Variants in DYNC2H1 observed in about 807,000 individuals in gnomAD.
DYNC2H1 encodes cytoplasmic dynein 2 heavy chain 1.
A neutral mutation model predicts 570.0 loss-of-function variants in DYNC2H1; 410 were observed. The ratio of observed to expected loss-of-function variants is 0.72; its 90% CI spans 0.66 to 0.78. DYNC2H1 has a LOEUF of 0.78. Among genes scored for constraint, DYNC2H1 ranks in the 30% least tolerant of loss-of-function variants. The pLI is 0.00. For missense variants in DYNC2H1, 4,865 were observed against 5,046.4 expected (o/e 0.96, Z 1.09); for synonymous variants, 1,688 against 1,677.6 (o/e 1.01, Z -0.15).
At chr11:103,429,645 C>T (rs1249076356) in intron 84 of DYNC2H1, among the ~76,000 whole-genome samples, 2 of 152,252 alleles carry the variant, frequency 1.3e-5, no homozygotes, top group East Asian at 3.9e-4. Context: ...CGCTCTGAAA[C>T]TTGTCTTTAT....
intron 81 of DYNC2H1, among the ~76,000 whole-genome samples, chr11:103,322,340 A>G (rs1938253148): frequency 6.6e-6 from 1 of 152,168 alleles, no homozygotes; most frequent in African/African-American, 2.4e-5. Context: ...AATACAATTC[A>G]TACAGAAATG....
chr11:103,137,295 G>A (rs11225561), intron 17 of DYNC2H1, among the ~76,000 whole-genome samples: 2 of 139,594 alleles, frequency 1.4e-5, no homozygotes, highest in African/African-American at 5.3e-5. Flanking sequence ...ACATGAAGTC[G>A]TTGCCCATGC....
rs886047566 is a variant in DYNC2H1, at chr11:103,198,006, A to G, written c.7782A>G (p.Pro2594=). The G allele has an allele frequency of 8.3e-6, 13 of 1,558,372 alleles. No homozygotes were observed. Among genetic ancestry groups the G allele is most frequent in the Middle Eastern group, 3.3e-4 (2 of 6,004 alleles). Residue 2594 remains proline, a synonymous_variant, in exon 48 of 89, where the codon CCA becomes CCG. Transcript: ENST00000375735. ...CAGCCCCAGGACAACCATTACCTCC[A>G]CATGGAAAACCACTTGGAAAACTAA... ...ARAAPGQPLP[P]HGKPLGKLNS...
rs151010749 is a variant in DYNC2H1 at position 103,452,698 on chromosome 11, A to G, written c.12457-2488A>G. ...TTCAAAATTCTGTATATTTTGGTCC[A>G]TAAAGGAGTGGAACTCTTATGACAT... On this transcript the variant is annotated intron_variant, in intron 85 of 88. Transcript: ENST00000375735. 2.7e-3 allele frequency among the ~76,000 whole-genome samples: 416 copies of G among 152,098 alleles called. 4 individuals are homozygous for G. Among genetic ancestry groups the G allele is most frequent in the African/African-American group, 9.5e-3 (393 of 41,558 alleles).
Position 103,116,633 on chromosome 11 carries a change from G to T in DYNC2H1, c.685G>T (p.Asp229Tyr), listed in dbSNP as rs1000302251. The T allele has an allele frequency of 1.2e-6, 2 of 1,609,486 alleles. No individual in the cohort carries two copies. The highest frequency in any genetic ancestry group is 2.7e-5 in the African/African-American group (2 of 74,730). ...EVVDLVETTQ[D>Y]VVDDVWRQTE... ...TGTTGACTTGGTGGAGACTACTCAG[G>T]ATGTTGTAGATGATGTGTGGAGACA... Residue 229 changes from aspartate (D) to tyrosine (Y), a missense_variant, in exon 5 of 89, where the codon GAT becomes TAT. Physicochemically the swap from Asp to Tyr is radical, Grantham distance 160. Around this residue, in one of 5 missense-constraint regions of DYNC2H1, gnomAD observed 1,936 missense variants for 1,962.1 expected, o/e 0.99. Transcript: ENST00000375735.
intron 4 of DYNC2H1, among the ~76,000 whole-genome samples, chr11:103,115,678 C>T (rs533033735): frequency 1.8e-3 from 273 of 151,828 alleles, no homozygotes; most frequent in South Asian, 4.2e-3. Context: ...AGCGCCTACT[C>T]GGGAGGCTGA....
intron 24 of DYNC2H1, 26 bp from the exon 25 acceptor site, chr11:103,155,305 C>T (rs773423797): frequency 6.7e-7 from 1 of 1,490,192 alleles, no homozygotes; most frequent in East Asian, 2.4e-5. Context: ...ATACATATGA[C>T]TTTTTCTTTT....
At chr11:103,328,447 A>T (rs72975685) in intron 82 of DYNC2H1, among the ~76,000 whole-genome samples, 7,996 of 152,312 alleles carry the variant, frequency 0.052, 263 homozygotes, top group Non-Finnish European at 0.077. Context: ...AAATATTCAG[A>T]TACTACAAAG....
intron 75 of DYNC2H1, among the ~76,000 whole-genome samples, chr11:103,296,463 G>A (rs7944311): frequency 0.16 from 25,044 of 152,132 alleles, 2,248 homozygotes; most frequent in Admixed American, 0.25. Flanking sequence ...AGAATATGGA[G>A]AACAGTTGTC....
chr11:103,189,942 A>T lies in DYNC2H1; in HGVS notation c.7437+126A>T. ...CCTGTTTATTAGACTTTTCTAGTAG[A>T]GAGTAACTGTGAAGACAGGTGCTGT... On this transcript the variant is annotated intron_variant, in intron 45 of 88. Transcript: ENST00000375735. This position sits in a 1 kb window ranked among gnomAD's most constrained non-coding sequence, Gnocchi z 4.3. 1 of 969,198 alleles carries T rather than the reference A, an allele frequency of 1.0e-6. No individual in the cohort carries two copies. Among genetic ancestry groups the T allele is most frequent in the East Asian group, 2.5e-5 (1 of 40,072 alleles). 60.0% of individuals were successfully genotyped at this position (969,198 alleles called of 1,614,324 possible). A position where few individuals can be genotyped will look rare whatever the true frequency, so the allele number is the denominator to read the frequency against.
intron 65 of DYNC2H1, among the ~76,000 whole-genome samples, chr11:103,248,666 C>T (rs967793469): frequency 6.6e-6 from 1 of 151,948 alleles, no homozygotes; most frequent in Non-Finnish European, 1.5e-5. Context: ...AGCACCCCTG[C>T]CTGGTGTAAA....
In DYNC2H1 at chr11:103,479,510, C is replaced by T. The variant is rs1945677092; in HGVS notation, c.*257C>T. 2.1e-5 allele frequency: 6 copies of T among 291,600 alleles called. No homozygotes were observed. Among genetic ancestry groups the T allele is most frequent in the Non-Finnish European group, 3.6e-5 (6 of 166,452 alleles). The allele number at this position is 291,600 out of a possible 1,614,324, so 18.1% of individuals were successfully genotyped here. On this transcript the variant is annotated 3_prime_UTR_variant, in exon 89 of 89. Transcript: ENST00000375735. ...ATTTCTGTGAGAAAGTTCACTTTTC[C>T]AGTGGCTCAAAAATTTGTTTTAGGT... is the stretch of plus-strand genomic sequence containing the variant.
chr11:103,395,133 G>A lies in DYNC2H1; in HGVS notation c.12157-4530G>A, dbSNP rs1942345645. ...GACCTTTCTGATCGTAGATGCTTGGGAAAGTTGTCTGTTGAACTTGCATTA... is the reference window on the plus strand; with the variant it reads ...GACCTTTCTGATCGTAGATGCTTGGAAAAGTTGTCTGTTGAACTTGCATTA... On this transcript the variant is annotated intron_variant, in intron 83 of 88. Coordinates refer to ENST00000375735, the MANE Select transcript of DYNC2H1 (RefSeq NM_001377.3). The surrounding 1 kb of genome is among the most constrained non-coding windows in gnomAD (Gnocchi z 4.3). 6.6e-6 allele frequency among the ~76,000 whole-genome samples: 1 copy of A among 152,118 alleles called. No homozygotes were observed. Among genetic ancestry groups the A allele is most frequent in the African/African-American group, 2.4e-5 (1 of 41,430 alleles).
chr11:103,466,088 G>A (rs1030018014), intron 87 of DYNC2H1, among the ~76,000 whole-genome samples: 4 of 150,188 alleles, frequency 2.7e-5, no homozygotes, highest in Non-Finnish European at 5.9e-5. Flanking sequence ...TTTAGGGAAC[G>A]ACAGACTAAT....
intron 59 of DYNC2H1, among the ~76,000 whole-genome samples, chr11:103,229,281 T>C (rs370726581): frequency 3.6e-4 from 55 of 152,304 alleles, no homozygotes; most frequent in African/African-American, 1.3e-3. Context: ...GTTCCTGCAG[T>C]AGTTCTTGCA....
At chr11:103,162,286 T>C (rs1199678379) in intron 29 of DYNC2H1, among the ~76,000 whole-genome samples, 1 of 151,838 alleles carries the variant, frequency 6.6e-6, no homozygotes, top group African/African-American at 2.4e-5. Flanking sequence ...CTCTACAGAT[T>C]GAAAAAAAAA....
At chr11:103,393,276 A>G (rs1186239571) in intron 83 of DYNC2H1, among the ~76,000 whole-genome samples, 1 of 152,202 alleles carries the variant, frequency 6.6e-6, no homozygotes, top group Non-Finnish European at 1.5e-5. Context: ...TCTTCCTCTT[A>G]AATATCATGG....
chr11:103,447,470 T>C (rs182654447), intron 85 of DYNC2H1, among the ~76,000 whole-genome samples: 1 of 152,154 alleles, frequency 6.6e-6, no homozygotes, highest in South Asian at 2.1e-4. Context: ...CGCTACACAA[T>C]GTGGGAAACC....
rs1296605728 is a variant in DYNC2H1, at chr11:103,239,547, G to A, written c.9819+3008G>A. On this transcript the variant is annotated intron_variant, in intron 63 of 88. Transcript: ENST00000375735. The surrounding 1 kb of genome is among the most constrained non-coding windows in gnomAD (Gnocchi z 4.3). ...GATAAGGACATTGAGGCACAGAAGA[G>A]TTAATTCACTTGTCTAAGGTCACAT... is the stretch of plus-strand genomic sequence containing the variant. Among the ~76,000 whole-genome samples, 2 of 152,032 alleles carry A rather than the reference G, an allele frequency of 1.3e-5. No individual in the cohort carries two copies. The highest frequency in any genetic ancestry group is 4.8e-5 in the African/African-American group (2 of 41,400).
Sources: allele counts gnomAD v4.1 joint callset (sites outside exome capture counted in the v4.1 genomes callset), GRCh38; gene constraint gnomAD v4.1.1; regional missense constraint gnomAD v4.1.1; non-coding constraint Gnocchi (gnomAD v3.1); transcripts MANE v1.5; gene names NCBI Gene and HGNC (gene_info 2026-07-23, HGNC 2026-07-21).